FRMPD4: variants seen among roughly 807,000 people sequenced by gnomAD.
FRMPD4 encodes the protein FERM and PDZ domain containing 4, also known as FERM and PDZ domain-containing protein 4.
FRMPD4 carries 22 observed loss-of-function variants against 94.1 expected under a neutral mutation model. That is an observed-to-expected ratio of 0.23 (90% CI 0.17 to 0.33). FRMPD4 has a LOEUF of 0.33. Ranked by LOEUF, FRMPD4 falls within the 10% of genes least tolerant of loss-of-function variation. The probability of loss-of-function intolerance (pLI) is 1.00; values close to 1 mark genes in which losing one functional copy is unlikely to be tolerated. For synonymous variants in FRMPD4, 631 were observed against 548.6 expected (o/e 1.15, Z -2.10); for missense variants, 1,111 against 1,339.9 (o/e 0.83, Z 2.67).
chrX:12,689,179 T>C (rs2060058064), intron 7 of FRMPD4, among the ~76,000 whole-genome samples: 1 of 111,860 alleles, frequency 8.9e-6, no homozygotes. Context: ...TTTACCAGTT[T>C]TCAAGTACAT....
chrX:12,251,368 G>C (rs1257739887), intron 1 of FRMPD4, among the ~76,000 whole-genome samples: 3 of 112,074 alleles, frequency 2.7e-5, no homozygotes, highest in East Asian at 5.6e-4. Flanking sequence ...AACCCACTTT[G>C]TTGAACGAAT....
At chrX:12,110,567 C>T (rs1487000506) in intron 3 of FRMPD4, among the ~76,000 whole-genome samples, 1 of 111,037 alleles carries the variant, frequency 9.0e-6, no homozygotes, top group Non-Finnish European at 1.9e-5. Flanking sequence ...AAGTTCTGGC[C>T]AGGGCAATCA....
At chrX:12,340,143 T>A (rs1226266716) in intron 1 of FRMPD4, among the ~76,000 whole-genome samples, 2 of 112,490 alleles carry the variant, frequency 1.8e-5, no homozygotes, top group Admixed American at 1.9e-4. Context: ...GATTGCCAAG[T>A]ATTCCTTAGG....
chrX:12,053,359 GAAGAAAGAAAGAAAGAAAGAAAGA>G (rs57459327), intron 3 of FRMPD4, among the ~76,000 whole-genome samples: 1,002 of 51,427 alleles, frequency 0.019, 5 homozygotes, highest in Middle Eastern at 0.066. Flanking sequence ...AGGAAAGAAA[GAAGAAAGAAAGAAAGAAAGAAAGA>G]AAGAAAGAAA....
At chrX:12,076,635 T>G (rs1184416388) in intron 3 of FRMPD4, among the ~76,000 whole-genome samples, 2 of 110,384 alleles carry the variant, frequency 1.8e-5, no homozygotes, top group Non-Finnish European at 3.8e-5. Flanking sequence ...TGGTAGCCCA[T>G]AGAGATCAAG....
chrX:11,859,603 C>T (rs1356823428), intron 1 of FRMPD4, among the ~76,000 whole-genome samples: 1 of 111,960 alleles, frequency 8.9e-6, no homozygotes, highest in African/African-American at 3.2e-5. Flanking sequence ...CTTTGCTGTG[C>T]AATTTATAAC....
At chrX:11,847,974 T>C (rs1187438756) in intron 1 of FRMPD4, among the ~76,000 whole-genome samples, 1 of 104,889 alleles carries the variant, frequency 9.5e-6, no homozygotes, top group Non-Finnish European at 1.9e-5. Flanking sequence ...ATGGCACATG[T>C]AGACATATGT....
At chrX:11,935,254 T>TG (rs2054149904) in intron 3 of FRMPD4, among the ~76,000 whole-genome samples, 2 of 40,463 alleles carry the variant, frequency 4.9e-5, no homozygotes, top group African/African-American at 1.8e-4. Context: ...TTGTTGTTTT[T>TG]TTTTTTTTTA....
At chrX:12,287,029 T>G (rs908440414) in intron 1 of FRMPD4, among the ~76,000 whole-genome samples, 13 of 111,984 alleles carry the variant, frequency 1.2e-4, no homozygotes, top group African/African-American at 4.2e-4. Flanking sequence ...GAGTCATAGC[T>G]GGGGCAAGAT....
chrX:12,133,569 C>T (rs1252314805), upstream of FRMPD4, among the ~76,000 whole-genome samples: 3 of 111,711 alleles, frequency 2.7e-5, no homozygotes, highest in Non-Finnish European at 5.6e-5. Context: ...GGATTACAGG[C>T]GTGAGCCACC....
At chrX:12,386,561 C>T (rs1363575133) in intron 1 of FRMPD4, among the ~76,000 whole-genome samples, 3 of 111,720 alleles carry the variant, frequency 2.7e-5, no homozygotes, top group Admixed American at 9.5e-5. Flanking sequence ...AGTTTGCTTC[C>T]GGGAAATAAA....
chrX:12,127,061 C>G, intron 3 of FRMPD4, among the ~76,000 whole-genome samples: 1 of 112,075 alleles, frequency 8.9e-6, no homozygotes, highest in Non-Finnish European at 1.9e-5. Context: ...TCATTTGTCC[C>G]TTATATCCTT....
chrX:12,248,360 G>A (rs2053984514), intron 1 of FRMPD4, among the ~76,000 whole-genome samples: 1 of 112,187 alleles, frequency 8.9e-6, no homozygotes, highest in Admixed American at 9.4e-5. Context: ...ATTCTCAACA[G>A]CAGTACTATT....
chrX:12,654,299 TC>T (rs776893252), intron 4 of FRMPD4, among the ~76,000 whole-genome samples: 35 of 111,641 alleles, frequency 3.1e-4, no homozygotes, highest in African/African-American at 1.1e-3. Context: ...TTATCTCCTC[TC>T]TTCTTTTTCA....
At chrX:11,868,312 G>A (rs961677446) in intron 2 of FRMPD4, among the ~76,000 whole-genome samples, 3 of 111,914 alleles carry the variant, frequency 2.7e-5, no homozygotes, top group Admixed American at 9.5e-5. Flanking sequence ...GATGGAAGGT[G>A]AGCCAAATGC....
At chrX:11,958,788 A>G (rs933346207) in intron 3 of FRMPD4, among the ~76,000 whole-genome samples, 1 of 112,331 alleles carries the variant, frequency 8.9e-6, no homozygotes, top group African/African-American at 3.2e-5. Flanking sequence ...CTCATATCAC[A>G]CTAATATACT....
chrX:11,928,433 A>G (rs183072807), intron 3 of FRMPD4, among the ~76,000 whole-genome samples: 48 of 111,812 alleles, frequency 4.3e-4, no homozygotes, highest in African/African-American at 1.5e-3. Context: ...AGATCTCCTG[A>G]GAACTCACTC....
chrX:12,440,235 A>C (rs1404714781), intron 1 of FRMPD4, among the ~76,000 whole-genome samples: 4 of 112,334 alleles, frequency 3.6e-5, no homozygotes, highest in Non-Finnish European at 5.6e-5. Context: ...TCTGTTTTGC[A>C]TCTGAAATTC....
intron 2 of FRMPD4, among the ~76,000 whole-genome samples, chrX:12,510,833 T>C (rs904548087): frequency 4.5e-5 from 5 of 111,975 alleles, no homozygotes; most frequent in Non-Finnish European, 7.5e-5. Context: ...GTCTGGAGGC[T>C]GTCTAAGGAA....
Sources: allele counts gnomAD v4.1 joint callset (sites outside exome capture counted in the v4.1 genomes callset), GRCh38; gene constraint gnomAD v4.1.1; transcripts MANE v1.5; gene names NCBI Gene and HGNC (gene_info 2026-07-23, HGNC 2026-07-21).